OPCML: variants seen among roughly 807,000 people sequenced by gnomAD.
OPCML encodes the protein opioid-binding protein/cell adhesion molecule.
In OPCML, 13 loss-of-function variants were observed where a neutral mutation model predicts 37.8. The ratio of observed to expected loss-of-function variants is 0.34; its 90% CI spans 0.22 to 0.55. The LOEUF (loss-of-function observed/expected upper bound fraction) is 0.55. Among genes scored for constraint, OPCML ranks in the 20% least tolerant of loss-of-function variants. OPCML has a pLI of 0.91. For synonymous variants in OPCML, 176 were observed against 168.8 expected, an observed-to-expected ratio of 1.04 and a Z score of -0.33; for missense variants, 341 against 435.6, an observed-to-expected ratio of 0.78 and a Z score of 1.93.
intron 1 of OPCML, among the ~76,000 whole-genome samples, chr11:133,434,879 A>G (rs964239087): frequency 6.7e-6 from 1 of 148,208 alleles, no homozygotes; most frequent in African/African-American, 2.5e-5. Context: ...TATTTCATAT[A>G]ATACATACTT....
intron 1 of OPCML, among the ~76,000 whole-genome samples, chr11:133,377,323 A>T (rs1271403939): frequency 6.6e-6 from 1 of 152,108 alleles, no homozygotes; most frequent in East Asian, 1.9e-4. Context: ...TCAGCTCAAG[A>T]TGTTTCCAGC....
rs552242257 is a variant in OPCML, at chr11:132,939,535, T to G, written c.146+3391A>C. On this transcript the variant is annotated intron_variant, in intron 2 of 7. Transcript: ENST00000524381. ...AATCCAGTATGTTGGTGGGAACTTT[T>G]CCCGTTGAGTGGAACAGTTACAACC... Among the ~76,000 whole-genome samples the G allele has an allele frequency of 1.2e-4, 19 of 152,314 alleles. No homozygotes were observed. In the South Asian group the frequency reaches 2.5e-3, roughly 20 times the overall value.
intron 1 of OPCML, among the ~76,000 whole-genome samples, chr11:133,038,815 CTCT>C (rs1947831429): frequency 8.1e-6 from 1 of 123,170 alleles, no homozygotes; most frequent in Non-Finnish European, 1.6e-5. Context: ...TCACTGTTGC[CTCT>C]ATGTTGCCAA....
intron 2 of OPCML, among the ~76,000 whole-genome samples, chr11:132,759,310 C>T (rs1483830854): frequency 1.3e-5 from 2 of 152,108 alleles, no homozygotes; most frequent in African/African-American, 4.8e-5. Context: ...TGATGCTGGC[C>T]TCATAAAATG....
At chr11:132,603,957 T>C (rs1047099471) in intron 3 of OPCML, among the ~76,000 whole-genome samples, 6 of 152,204 alleles carry the variant, frequency 3.9e-5, no homozygotes, top group African/African-American at 9.7e-5. Context: ...CTTTATGCTA[T>C]AGCTCTATCA....
intron 2 of OPCML, among the ~76,000 whole-genome samples, chr11:132,793,971 G>T (rs948784032): frequency 1.3e-5 from 2 of 152,194 alleles, no homozygotes; most frequent in Non-Finnish European, 2.9e-5. Flanking sequence ...GGTAAAGACG[G>T]CTACTGCCCA....
chr11:132,953,836 T>C (rs996987458), intron 1 of OPCML, among the ~76,000 whole-genome samples: 1 of 152,106 alleles, frequency 6.6e-6, no homozygotes, highest in Non-Finnish European at 1.5e-5. Context: ...CTTGGTTGCA[T>C]GGGAAAAACA....
chr11:132,771,228 C>T (rs1221111626), intron 2 of OPCML, among the ~76,000 whole-genome samples: 1 of 152,200 alleles, frequency 6.6e-6, no homozygotes, highest in Non-Finnish European at 1.5e-5. Context: ...AAGAGAACAA[C>T]ATTTAACCAC....
chr11:132,529,990 G>T (rs1032192230), intron 3 of OPCML, among the ~76,000 whole-genome samples: 2 of 152,156 alleles, frequency 1.3e-5, no homozygotes, highest in African/African-American at 4.8e-5. Context: ...CGTTAGCAAG[G>T]TGACCTGCCT....
In OPCML at chr11:133,505,388, G is replaced by C. The variant is rs140017825; in HGVS notation, c.61+26876C>G. Among the ~76,000 whole-genome samples, 263 of 152,294 alleles carry C rather than the reference G, an allele frequency of 1.7e-3. 5 individuals are homozygous for C. Among genetic ancestry groups the C allele is most frequent in the Middle Eastern group, 3.4e-3 (1 of 294 alleles). On this transcript the variant is annotated intron_variant, in intron 1 of 7. Transcript: ENST00000524381. ...ACTCTCCATGGGGAGAAAGCCCAGG[G>C]GGAACACAGAACCCAGGCTGTTCTG...
intron 2 of OPCML, among the ~76,000 whole-genome samples, chr11:132,929,476 TAGG>T (rs1296436370): frequency 2.6e-5 from 4 of 152,254 alleles, no homozygotes; most frequent in African/African-American, 9.6e-5. Context: ...CAAACATTTA[TAGG>T]AGAATTAACA....
intron 1 of OPCML, among the ~76,000 whole-genome samples, chr11:133,105,999 GAA>G (rs371737428): frequency 1.9e-4 from 10 of 53,870 alleles, no homozygotes; most frequent in African/African-American, 7.9e-4. Flanking sequence ...AAAAAAAAAA[GAA>G]AAAAAGAATA....
At chr11:132,856,417 A>T (rs1942057692) in intron 2 of OPCML, among the ~76,000 whole-genome samples, 1 of 152,104 alleles carries the variant, frequency 6.6e-6, no homozygotes, top group South Asian at 2.1e-4. Context: ...AGGACAGGAG[A>T]GGCCCCCCGC....
chr11:132,881,717 C>T (rs2725427), intron 2 of OPCML, among the ~76,000 whole-genome samples: 100,985 of 152,092 alleles, frequency 0.66, 33,811 homozygotes, highest in African/African-American at 0.71. Flanking sequence ...ATTGCAAAAA[C>T]GCTGTTGTCT....
At chr11:132,809,688 A>G (rs1437413769) in intron 2 of OPCML, among the ~76,000 whole-genome samples, 1 of 152,006 alleles carries the variant, frequency 6.6e-6, no homozygotes, top group Non-Finnish European at 1.5e-5. Context: ...CCAAGTGTTT[A>G]TTTATGATTT....
intron 3 of OPCML, among the ~76,000 whole-genome samples, chr11:132,555,063 T>A (rs1432918781): frequency 1.3e-5 from 2 of 151,996 alleles, no homozygotes; most frequent in East Asian, 3.9e-4. Flanking sequence ...CACTGCGTGA[T>A]GAAGACCAGC....
At position 132,481,180 on chromosome 11, in the gene OPCML, C is replaced by A. The variant is rs2096179037; in HGVS notation, c.506-43821G>T. Among the ~76,000 whole-genome samples the A allele has an allele frequency of 2.0e-5, 3 of 152,272 alleles. No homozygotes were observed. In the South Asian group the frequency reaches 6.2e-4, roughly 32 times the overall value. The stretch of plus-strand genomic sequence containing the variant: ...AGTGTGCTGTATTCAGGAAACCTAT[C>A]TCATGTGCAGAGACACACATAGGCT... On this transcript the variant is annotated intron_variant, in intron 4 of 7. Coordinates refer to ENST00000524381, the MANE Select transcript of OPCML (RefSeq NM_001012393.5).
At chr11:133,047,445 C>A (rs1416400282) in intron 1 of OPCML, among the ~76,000 whole-genome samples, 1 of 152,210 alleles carries the variant, frequency 6.6e-6, no homozygotes, top group Non-Finnish European at 1.5e-5. Flanking sequence ...AATAATTGTC[C>A]TATTAAACTT....
At chr11:132,559,945 G>A (rs1194611368) in intron 3 of OPCML, among the ~76,000 whole-genome samples, 2 of 152,152 alleles carry the variant, frequency 1.3e-5, no homozygotes, top group Non-Finnish European at 2.9e-5. Flanking sequence ...TATTTTACAA[G>A]TATCCCTCAC....
Sources: allele counts gnomAD v4.1 joint callset (sites outside exome capture counted in the v4.1 genomes callset), GRCh38; gene constraint gnomAD v4.1.1; transcripts MANE v1.5; gene names NCBI Gene and HGNC (gene_info 2026-07-23, HGNC 2026-07-21).